The following MYOM1 variants were observed in gnomAD, a reference collection of about 807,000 sequenced individuals.
MYOM1 encodes myomesin 1.
Under a neutral mutation model 205.3 loss-of-function variants are expected in MYOM1, and 164 were observed. The ratio of observed to expected loss-of-function variants is 0.80; its 90% confidence interval spans 0.70 to 0.91. MYOM1 has a LOEUF of 0.91. Among genes scored for constraint, MYOM1 ranks in the 40% least tolerant of loss-of-function variants. The pLI is 0.00. For missense variants in MYOM1, 2,011 were observed against 2,127.3 expected, an observed-to-expected ratio of 0.95 and a Z score of 1.08; for synonymous variants, 772 against 789.4, an observed-to-expected ratio of 0.98 and a Z score of 0.37.
chr18:3,124,125 C>T lies in MYOM1; in HGVS notation c.2991+2576G>A, dbSNP rs2079739620. ...GTGCTGAGACTACAGGTGCGAGCCA[C>T]CATGCCCGGCCTATAAAGCTATAAT... On this transcript the variant is annotated intron_variant, in intron 19 of 37. Coordinates refer to ENST00000356443, the MANE Select transcript of MYOM1 (RefSeq NM_003803.4). 6.6e-5 allele frequency among the ~76,000 whole-genome samples: 10 copies of T among 151,474 alleles called. No individual in the cohort carries two copies. The South Asian group carries it at 2.1e-3, about 31-fold the overall frequency.
chr18:3,199,496 G>A (rs2081038181), intron 2 of MYOM1, among the ~76,000 whole-genome samples: 1 of 152,234 alleles, frequency 6.6e-6, no homozygotes, highest in South Asian at 2.1e-4. Context: ...CACATGTGCA[G>A]AGGACAGGCA....
intron 1 of MYOM1, among the ~76,000 whole-genome samples, chr18:3,215,861 C>A (rs1002822199): frequency 1.4e-4 from 21 of 152,100 alleles, no homozygotes; most frequent in African/African-American, 4.6e-4. Context: ...CCATTTCATT[C>A]TTCATTTGGG....
At chr18:3,154,731 A>G (rs923695258) in intron 11 of MYOM1, among the ~76,000 whole-genome samples, 1 of 151,976 alleles carries the variant, frequency 6.6e-6, no homozygotes, top group South Asian at 2.1e-4. Context: ...ATGTATGTAT[A>G]TGTTTGTGTA....
intron 25 of MYOM1, among the ~76,000 whole-genome samples, chr18:3,099,607 T>C (rs2079351237): frequency 6.6e-6 from 1 of 152,114 alleles, no homozygotes; most frequent in Non-Finnish European, 1.5e-5. Flanking sequence ...TAGTGTCAAG[T>C]GTGGAATTTA....
intron 37 of MYOM1, among the ~76,000 whole-genome samples, chr18:3,068,394 C>T (rs1440834654): frequency 1.3e-5 from 2 of 151,848 alleles, no homozygotes; most frequent in Admixed American, 6.6e-5. Context: ...TGATGCAATC[C>T]ACCGACCTTA....
chr18:3,150,979 CTTTTTTT>C (rs1164882266), intron 12 of MYOM1, among the ~76,000 whole-genome samples: 1 of 55,924 alleles, frequency 1.8e-5, no homozygotes, highest in Non-Finnish European at 3.6e-5. Context: ...CCATGCCTGG[CTTTTTTT>C]TTTTTTTTTT....
intron 2 of MYOM1, among the ~76,000 whole-genome samples, chr18:3,199,560 G>A (rs12327247): frequency 0.19 from 28,983 of 151,992 alleles, 2,793 homozygotes; most frequent in East Asian, 0.22. Context: ...CCTGCACACC[G>A]GCTGGGCACG....
At chr18:3,216,077 G>A (rs535421410) in intron 1 of MYOM1, among the ~76,000 whole-genome samples, 243 of 152,208 alleles carry the variant, frequency 1.6e-3, no homozygotes, top group Non-Finnish European at 2.6e-3. Flanking sequence ...AGACCAGCCC[G>A]GCCAACATGG....
At chr18:3,147,649 A>G (rs1391934241) in intron 13 of MYOM1, among the ~76,000 whole-genome samples, 1 of 152,160 alleles carries the variant, frequency 6.6e-6, no homozygotes, top group Non-Finnish European at 1.5e-5. Context: ...TATTGATGGA[A>G]GGGGAAAAAA....
intron 14 of MYOM1, among the ~76,000 whole-genome samples, chr18:3,138,082 A>T (rs1359260924): frequency 6.6e-6 from 1 of 152,214 alleles, no homozygotes; most frequent in Non-Finnish European, 1.5e-5. Flanking sequence ...TCCTCGAATG[A>T]AGGACGTGGT....
chr18:3,129,342 T>C lies in MYOM1; in HGVS notation c.2684A>G (p.Glu895Gly). Residue 895 changes from glutamate to glycine, a missense_variant, in exon 18 of 38, where the codon GAA (glutamate) becomes GGA (glycine). Physicochemically the swap from Glu to Gly is moderately conservative, Grantham distance 98. Coordinates refer to ENST00000356443, the MANE Select transcript of MYOM1 (RefSeq NM_003803.4). Reference protein sequence around the residue: ...PSSSQNLGQTEVSKVSETVQE... With the variant: ...PSSSQNLGQTGVSKVSETVQE... The stretch of plus-strand genomic sequence containing the variant: ...AACTGTTTCACTTACTTTACTCACT[T>C]CTGTTTGGCCCAGGTTTTGAGAGCT... The C allele has an allele frequency of 1.9e-6, 3 of 1,613,980 alleles. No individual in the cohort carries two copies. The highest frequency in any genetic ancestry group is 2.5e-6 in the Non-Finnish European group (3 of 1,179,886).
rs1278640038 is a variant in MYOM1 at position 3,112,439 on chromosome 18, G to A, written c.3304-27C>T. On this transcript the variant is annotated intron_variant, in intron 21 of 37. Coordinates refer to ENST00000356443, the MANE Select transcript of MYOM1 (RefSeq NM_003803.4). The stretch of plus-strand genomic sequence containing the variant: ...TGGTAGAAGCAGGTGTAGAAGCAAT[G>A]GGTGTTTGATGAAGCAGTGGCTGTT... 3.2e-6 allele frequency: 5 copies of A among 1,549,074 alleles called. No homozygotes were observed. In the South Asian group the frequency reaches 6.0e-5, roughly 19 times the overall value.
At chr18:3,082,784 C>G (rs1263576746) in intron 33 of MYOM1, among the ~76,000 whole-genome samples, 1 of 152,120 alleles carries the variant, frequency 6.6e-6, no homozygotes, top group African/African-American at 2.4e-5. Context: ...CTTGGAATCC[C>G]AGAAGTGAAC....
At chr18:3,082,237 T>C (rs1469020260) in intron 33 of MYOM1, among the ~76,000 whole-genome samples, 1 of 152,166 alleles carries the variant, frequency 6.6e-6, no homozygotes, top group Non-Finnish European at 1.5e-5. Flanking sequence ...TACCGGTCCA[T>C]GGCCTGGGGT....
intron 2 of MYOM1, among the ~76,000 whole-genome samples, chr18:3,212,516 T>C (rs2144249697): frequency 6.6e-6 from 1 of 152,278 alleles, no homozygotes; most frequent in Admixed American, 6.5e-5. Context: ...TAAGATAATT[T>C]TAATATAAAA....
At chr18:3,148,844 C>CAAAAAAAAAAAAAAAAA (rs71159049) in intron 13 of MYOM1, among the ~76,000 whole-genome samples, 1 of 47,932 alleles carries the variant, frequency 2.1e-5, no homozygotes, top group Admixed American at 3.6e-4. Flanking sequence ...AGACTCCATC[C>CAAAAAAAAAAAAAAAAA]AAAAAAAAAA....
At chr18:3,162,957 C>T (rs1289449488) in intron 10 of MYOM1, among the ~76,000 whole-genome samples, 2 of 149,778 alleles carry the variant, frequency 1.3e-5, no homozygotes, top group East Asian at 2.1e-4. Context: ...ACCCAGGAGG[C>T]GGAGCTTGCA....
At chr18:3,085,016 A>T in intron 31 of MYOM1, 29 bp downstream of exon 31, 6 of 1,543,412 alleles carry the variant, frequency 3.9e-6, no homozygotes, top group Non-Finnish European at 4.4e-6. Flanking sequence ...GAAACACACA[A>T]GACAGACCCC....
intron 1 of MYOM1, among the ~76,000 whole-genome samples, chr18:3,215,571 A>C (rs757582033): frequency 6.6e-6 from 1 of 152,134 alleles, no homozygotes. Flanking sequence ...CATTGCACTC[A>C]GCTTGGGTGA....
Sources: gnomAD v4.1 joint callset for allele counts (sites outside exome capture counted in the v4.1 genomes callset) on GRCh38, gnomAD v4.1.1 for gene constraint, MANE v1.5 for transcripts, NCBI Gene and HGNC (gene_info 2026-07-23, HGNC 2026-07-21) for gene names.